Variants in PALLD observed in about 807,000 individuals in gnomAD.
PALLD encodes palladin, cytoskeletal associated protein, also known as palladin.
In PALLD, 61 loss-of-function variants were observed where a neutral mutation model predicts 123.5. That is an observed-to-expected ratio of 0.49 (90% CI 0.40 to 0.61). The LOEUF (loss-of-function observed/expected upper bound fraction) is 0.61. PALLD is among the 20% of genes least tolerant of loss of function. The probability of loss-of-function intolerance (pLI) is 0.00; values close to 1 mark genes in which losing one functional copy is unlikely to be tolerated. For synonymous variants in PALLD, 465 were observed against 496.4 expected (o/e 0.94, Z 0.84); for missense variants, 1,273 against 1,377.0 (o/e 0.92, Z 1.20).
At chr4:168,606,164 T>C (rs556941541) in intron 2 of PALLD, among the ~76,000 whole-genome samples, 1 of 152,358 alleles carries the variant, frequency 6.6e-6, no homozygotes, top group East Asian at 1.9e-4. Context: ...TGTTTTAGTT[T>C]GTGTCTCTTT....
intron 10 of PALLD, among the ~76,000 whole-genome samples, chr4:168,715,758 G>A (rs1448689991): frequency 1.3e-5 from 2 of 152,136 alleles, no homozygotes; most frequent in Non-Finnish European, 2.9e-5. Flanking sequence ...AGACCATCCT[G>A]GCTAACACAG....
chr4:168,598,471 GT>G, intron 2 of PALLD: 1 of 585,280 alleles, frequency 1.7e-6, no homozygotes, highest in East Asian at 4.2e-5. Flanking sequence ...CTGCAAAGGT[GT>G]TAGCAGAGAG....
intron 10 of PALLD, among the ~76,000 whole-genome samples, chr4:168,745,751 G>T (rs1011352509): frequency 2.0e-5 from 3 of 152,006 alleles, no homozygotes; most frequent in Admixed American, 6.6e-5. Context: ...TCTTCTTAAA[G>T]AATTCTAAGT....
chr4:168,630,984 T>C (rs775878260), intron 2 of PALLD, among the ~76,000 whole-genome samples: 2 of 152,212 alleles, frequency 1.3e-5, no homozygotes, highest in African/African-American at 2.4e-5. Context: ...GTACACATGT[T>C]CATCCCTCAA....
At chr4:168,629,144 G>C (rs1418250702) in intron 2 of PALLD, among the ~76,000 whole-genome samples, 1 of 151,620 alleles carries the variant, frequency 6.6e-6, no homozygotes, top group Non-Finnish European at 1.5e-5. Flanking sequence ...AGCCTCCCAA[G>C]TAGCTGGGAT....
chr4:168,836,392 A>G (rs1745189768), intron 10 of PALLD, among the ~76,000 whole-genome samples: 2 of 152,232 alleles, frequency 1.3e-5, no homozygotes, highest in African/African-American at 4.8e-5. Flanking sequence ...AATGAGCAAT[A>G]ACCGTTTTCT....
intron 1 of PALLD, among the ~76,000 whole-genome samples, chr4:168,509,088 A>G (rs573571797): frequency 2.0e-5 from 3 of 152,326 alleles, no homozygotes; most frequent in African/African-American, 7.2e-5. Context: ...ACAGGGGTCT[A>G]TGCCTTTTAT....
chr4:168,566,097 A>G (rs1768349308), intron 2 of PALLD, among the ~76,000 whole-genome samples: 1 of 152,172 alleles, frequency 6.6e-6, no homozygotes, highest in African/African-American at 2.4e-5. Context: ...CTTAGCACTT[A>G]GCCAATCTCT....
intron 2 of PALLD, among the ~76,000 whole-genome samples, chr4:168,542,711 C>G (rs1176625973): frequency 1.1e-5 from 1 of 91,546 alleles, no homozygotes; most frequent in South Asian, 3.6e-4. Flanking sequence ...TCCCAGCTAA[C>G]CTTTCCATAT....
At chr4:168,876,899 G>A (rs1229975232) in intron 10 of PALLD, among the ~76,000 whole-genome samples, 1 of 152,150 alleles carries the variant, frequency 6.6e-6, no homozygotes, top group African/African-American at 2.4e-5. Flanking sequence ...CAAAGTTTTT[G>A]AGTAAAAGAG....
At chr4:168,655,817 T>C (rs1315717973) in intron 2 of PALLD, among the ~76,000 whole-genome samples, 2 of 152,222 alleles carry the variant, frequency 1.3e-5, no homozygotes, top group African/African-American at 4.8e-5. Context: ...GGGAAAGTTC[T>C]TCCATTGCTA....
At chr4:168,902,938 A>G (rs1180819637) in intron 14 of PALLD, among the ~76,000 whole-genome samples, 1 of 151,656 alleles carries the variant, frequency 6.6e-6, no homozygotes, top group Non-Finnish European at 1.5e-5. Context: ...CACCCAGATA[A>G]TTTTTTTATT....
At chr4:168,708,678 T>C (rs1300392457) in intron 8 of PALLD, among the ~76,000 whole-genome samples, 1 of 152,202 alleles carries the variant, frequency 6.6e-6, no homozygotes, top group Non-Finnish European at 1.5e-5. Context: ...AACTCTGACA[T>C]GCAATCAGCT....
At chr4:168,766,089 T>G (rs1049559924) in intron 10 of PALLD, among the ~76,000 whole-genome samples, 4 of 152,218 alleles carry the variant, frequency 2.6e-5, no homozygotes, top group African/African-American at 7.2e-5. Flanking sequence ...GCAGGAAGAT[T>G]TTCTTCCCCA....
chr4:168,784,011 A>G (rs913510547), intron 10 of PALLD, among the ~76,000 whole-genome samples: 2 of 152,236 alleles, frequency 1.3e-5, no homozygotes, highest in Non-Finnish European at 2.9e-5. Flanking sequence ...CTGAGAGGCC[A>G]AGGCAGGAGG....
intron 2 of PALLD, among the ~76,000 whole-genome samples, chr4:168,594,691 C>T (rs185303796): frequency 1.5e-4 from 23 of 152,204 alleles, no homozygotes; most frequent in Non-Finnish European, 2.1e-4. Context: ...ATATTATATA[C>T]AGATGGTGTC....
chr4:168,694,179 A>C (rs988121294), intron 8 of PALLD, among the ~76,000 whole-genome samples: 5 of 152,210 alleles, frequency 3.3e-5, no homozygotes, highest in East Asian at 1.9e-4. Context: ...ACTATATAGA[A>C]GTATGTAGGA....
intron 10 of PALLD, among the ~76,000 whole-genome samples, chr4:168,719,680 C>T (rs12499729): frequency 0.47 from 71,015 of 151,918 alleles, 17,497 homozygotes; most frequent in South Asian, 0.66. Flanking sequence ...GTCACCTGGG[C>T]AATAAGCATA....
At chr4:168,693,302 C>T (rs1490112098) in intron 8 of PALLD, among the ~76,000 whole-genome samples, 1 of 152,164 alleles carries the variant, frequency 6.6e-6, no homozygotes, top group East Asian at 1.9e-4. Context: ...TATCACTTAC[C>T]CTATATACAC....
Sources: allele counts gnomAD v4.1 joint callset (sites outside exome capture counted in the v4.1 genomes callset), GRCh38; gene constraint gnomAD v4.1.1; transcripts MANE v1.5; gene names NCBI Gene and HGNC (gene_info 2026-07-23, HGNC 2026-07-21).